SLC24A2: variants seen among roughly 807,000 people sequenced by gnomAD.
SLC24A2 encodes the protein solute carrier family 24 member 2.
Under a neutral mutation model 62.0 loss-of-function variants are expected in SLC24A2, and 36 were observed. The ratio of observed to expected loss-of-function variants is 0.58; its 90% confidence interval spans 0.44 to 0.77. The LOEUF (loss-of-function observed/expected upper bound fraction) is 0.77. Ranked by LOEUF, SLC24A2 falls within the 30% of genes least tolerant of loss-of-function variation. The pLI, the probability that SLC24A2 is intolerant of heterozygous loss-of-function variation, is 0.00. For missense variants in SLC24A2, 846 were observed against 817.9 expected (o/e 1.03, Z -0.42); for synonymous variants, 358 against 294.0 (o/e 1.22, Z -2.23).
In SLC24A2 at chr9:19,786,287, T is replaced by C; in HGVS notation, c.580A>G (p.Ile194Val). The C allele has an allele frequency of 6.2e-7, 1 of 1,614,112 alleles. No homozygotes were observed. Among genetic ancestry groups the C allele is most frequent in the Non-Finnish European group, 8.5e-7 (1 of 1,180,028 alleles). Residue 194 changes from isoleucine to valine, a missense_variant, in exon 2 of 11, where the codon ATA (isoleucine) becomes GTA (valine). Ile to Val is a conservative substitution (Grantham distance 29). Transcript: ENST00000341998. The surrounding 1 kb of genome is among the most constrained non-coding windows in gnomAD (Gnocchi z 5.0). ...GSAPELFTSLIGVFIAHSNVG... is the reference protein window; with the variant it reads ...GSAPELFTSLVGVFIAHSNVG... ...TTGCTGTGAGCGATAAATACCCCTA[T>C]GAGAGATGTGAAAAGTTCTGGGGCT...
chr9:19,683,823 A>G (rs1196762583), intron 2 of SLC24A2, among the ~76,000 whole-genome samples: 1 of 152,078 alleles, frequency 6.6e-6, no homozygotes, highest in Non-Finnish European at 1.5e-5. Context: ...AACACTTAAA[A>G]AAGCTGTTGG....
chr9:20,141,434 G>A, the SLC24A2 span, among the ~76,000 whole-genome samples: 4 of 151,890 alleles, frequency 2.6e-5, no homozygotes, highest in East Asian at 1.9e-4. Flanking sequence ...CTCCTATCCC[G>A]AATAATCCCT....
At chr9:19,527,948 T>C (rs1424991252) in intron 9 of SLC24A2, 101 bp downstream of exon 9, 1 of 764,458 alleles carries the variant, frequency 1.3e-6, no homozygotes, top group Non-Finnish European at 2.3e-6. Flanking sequence ...TCACACCCAA[T>C]ACTGTTGTGG....
chr9:20,018,685 C>T, the SLC24A2 span, among the ~76,000 whole-genome samples: 3 of 152,134 alleles, frequency 2.0e-5, no homozygotes, highest in African/African-American at 7.2e-5. Context: ...ACCCACTACA[C>T]ACCAGGCACT....
the SLC24A2 span, among the ~76,000 whole-genome samples, chr9:20,041,151 C>T: frequency 1.3e-5 from 2 of 150,032 alleles, no homozygotes; most frequent in African/African-American, 2.5e-5. Flanking sequence ...CGTGTGTGTA[C>T]GCGTGCGCGC....
At chr9:19,772,858 T>C (rs1328250520) in intron 2 of SLC24A2, among the ~76,000 whole-genome samples, 1 of 152,110 alleles carries the variant, frequency 6.6e-6, no homozygotes, top group Non-Finnish European at 1.5e-5. Flanking sequence ...CAAAGAGAAC[T>C]AAAAACATGT....
chr9:19,887,743 C>T, the SLC24A2 span, among the ~76,000 whole-genome samples: 1 of 152,088 alleles, frequency 6.6e-6, no homozygotes, highest in African/African-American at 2.4e-5. Context: ...GAAAAATATA[C>T]TTAAATATGG....
chr9:19,533,511 A>G (rs1169488690), intron 8 of SLC24A2, among the ~76,000 whole-genome samples: 1 of 152,324 alleles, frequency 6.6e-6, no homozygotes, highest in African/African-American at 2.4e-5. Flanking sequence ...TTCAAACTAG[A>G]TCTCAAGAGG....
At chr9:20,115,754 C>T in the SLC24A2 span, among the ~76,000 whole-genome samples, 1 of 152,152 alleles carries the variant, frequency 6.6e-6, no homozygotes. Context: ...CTGCTTTTCT[C>T]CTGTTCCTGG....
the SLC24A2 span, among the ~76,000 whole-genome samples, chr9:19,860,295 C>T: frequency 2.0e-5 from 3 of 152,164 alleles, no homozygotes; most frequent in Non-Finnish European, 2.9e-5. Context: ...AGTCATGAGA[C>T]CCTTTTTCCA....
At chr9:20,061,469 T>G in the SLC24A2 span, among the ~76,000 whole-genome samples, 1 of 152,020 alleles carries the variant, frequency 6.6e-6, no homozygotes, top group South Asian at 2.1e-4. Context: ...GTATTTTTAG[T>G]AGAGATGGGG....
chr9:19,662,156 C>T (rs1251366255), intron 2 of SLC24A2, among the ~76,000 whole-genome samples: 1 of 152,090 alleles, frequency 6.6e-6, no homozygotes, highest in Non-Finnish European at 1.5e-5. Context: ...ATAAAAGTAA[C>T]AAGAAACAGG....
the SLC24A2 span, among the ~76,000 whole-genome samples, chr9:19,949,016 C>G: frequency 9.0e-3 from 1,368 of 151,642 alleles, 23 homozygotes; most frequent in African/African-American, 0.032. Context: ...ATTTTTGAGA[C>G]GGAGTCTTAC....
At chr9:20,196,453 T>A in the SLC24A2 span, among the ~76,000 whole-genome samples, 5 of 152,356 alleles carry the variant, frequency 3.3e-5, no homozygotes, top group South Asian at 4.1e-4. Context: ...TTGATTTTTT[T>A]AAATGTGAAT....
chr9:20,101,832 GA>G, the SLC24A2 span, among the ~76,000 whole-genome samples: 14 of 152,166 alleles, frequency 9.2e-5, no homozygotes, highest in Non-Finnish European at 1.8e-4. Flanking sequence ...CCAGTATAAA[GA>G]AGTGATCCCA....
chr9:19,918,711 C>G, the SLC24A2 span, among the ~76,000 whole-genome samples: 1 of 152,158 alleles, frequency 6.6e-6, no homozygotes, highest in Non-Finnish European at 1.5e-5. Context: ...CCAAGAGAAT[C>G]ATATGAATCC....
In SLC24A2 at chr9:19,533,051, T is replaced by C. The variant is rs186842062; in HGVS notation, c.1480-4913A>G. 3.6e-3 allele frequency among the ~76,000 whole-genome samples: 545 copies of C among 152,338 alleles called. 1 individual carries two copies. In the Middle Eastern group the frequency reaches 0.061, roughly 17 times the overall value. ...CTGTAAGTGTAAAGCCCATATTAAT[T>C]ATGTGAGCTGAAATTATGCATGGTT... On this transcript the variant is annotated intron_variant, in intron 8 of 10. Coordinates refer to ENST00000341998, the MANE Select transcript of SLC24A2 (RefSeq NM_020344.4).
chr9:19,983,044 G>A, the SLC24A2 span, among the ~76,000 whole-genome samples: 1 of 152,148 alleles, frequency 6.6e-6, no homozygotes, highest in Non-Finnish European at 1.5e-5. Flanking sequence ...AACAGCCACT[G>A]TTAACATCAT....
the SLC24A2 span, among the ~76,000 whole-genome samples, chr9:20,190,086 G>C: frequency 6.6e-6 from 1 of 152,200 alleles, no homozygotes; most frequent in Non-Finnish European, 1.5e-5. Flanking sequence ...CCCTGGGAGA[G>C]TTTGCATTGG....
Sources: gnomAD v4.1 joint callset for allele counts (sites outside exome capture counted in the v4.1 genomes callset) on GRCh38, gnomAD v4.1.1 for gene constraint, Gnocchi (gnomAD v3.1) non-coding constraint, MANE v1.5 for transcripts, NCBI Gene and HGNC (gene_info 2026-07-23, HGNC 2026-07-21) for gene names.